Variants in DNM3 observed in about 807,000 individuals in gnomAD.
The protein encoded by DNM3 is dynamin-3.
Under a neutral mutation model 101.6 loss-of-function variants are expected in DNM3, and 47 were observed. The ratio of observed to expected loss-of-function variants is 0.46; its 90% CI spans 0.37 to 0.59. DNM3 has a LOEUF of 0.59. Among genes scored for constraint, DNM3 ranks in the 20% least tolerant of loss-of-function variants. The pLI is 0.00. For synonymous variants in DNM3, 385 were observed against 387.9 expected (o/e 0.99, Z 0.09); for missense variants, 849 against 1,085.7 (o/e 0.78, Z 3.06).
intron 14 of DNM3, among the ~76,000 whole-genome samples, chr1:172,235,698 A>T (rs1184566050): frequency 6.6e-6 from 1 of 152,196 alleles, no homozygotes; most frequent in Admixed American, 6.5e-5. Flanking sequence ...CTTTGTAGGG[A>T]CATGGATGAA....
intron 17 of DNM3, among the ~76,000 whole-genome samples, chr1:172,372,282 T>G (rs1395574235): frequency 6.6e-6 from 1 of 151,994 alleles, no homozygotes; most frequent in African/African-American, 2.4e-5. Context: ...CAGTTTTTCT[T>G]ATAGCTTCTG....
chr1:171,870,759 G>A (rs757247805), intron 1 of DNM3, among the ~76,000 whole-genome samples: 1 of 152,078 alleles, frequency 6.6e-6, no homozygotes, highest in South Asian at 2.1e-4. Context: ...AATAAAATGC[G>A]AAACTGAACA....
rs1572474737 is a variant in DNM3 at position 172,092,802 on chromosome 1, T to C, written c.1494-22T>C. On this transcript the variant is annotated intron_variant, in intron 12 of 20. Transcript: ENST00000627582. The stretch of plus-strand genomic sequence containing the variant: ...AAAATTATATGTGTCTCTTCAGTGC[T>C]GCTTTCCTTTGCTTTTCTCAGTGCT... 7 of 1,548,754 alleles carry C rather than the reference T, an allele frequency of 4.5e-6. No homozygotes were observed. The African/African-American group carries it at 8.2e-5, about 18-fold the overall frequency.
intron 14 of DNM3, among the ~76,000 whole-genome samples, chr1:172,211,497 C>T (rs1271399569): frequency 6.6e-6 from 1 of 152,106 alleles, no homozygotes; most frequent in Non-Finnish European, 1.5e-5. Context: ...GCAGAAATCT[C>T]CTCCACAATG....
chr1:172,153,738 A>G (rs1028633556), intron 14 of DNM3, among the ~76,000 whole-genome samples: 7 of 152,128 alleles, frequency 4.6e-5, no homozygotes, highest in African/African-American at 1.7e-4. Context: ...TTTCAGTCAG[A>G]TGAATTAAAC....
intron 14 of DNM3, among the ~76,000 whole-genome samples, chr1:172,166,119 C>G (rs754220216): frequency 2.0e-5 from 3 of 152,000 alleles, no homozygotes; most frequent in Admixed American, 1.3e-4. Flanking sequence ...GTGTCTGTTT[C>G]CTCCAGGATG....
At chr1:172,201,740 G>T (rs2148487343) in intron 14 of DNM3, among the ~76,000 whole-genome samples, 1 of 152,340 alleles carries the variant, frequency 6.6e-6, no homozygotes, top group Non-Finnish European at 1.5e-5. Context: ...GTTGCCCCTG[G>T]GGGCCTGGTC....
chr1:172,221,810 T>G lies in DNM3; in HGVS notation c.1660-31763T>G, dbSNP rs771922168. 7.2e-4 allele frequency among the ~76,000 whole-genome samples: 110 copies of G among 152,194 alleles called. 2 individuals are homozygous for G. Among genetic ancestry groups the G allele is most frequent in the Non-Finnish European group, 2.2e-4 (15 of 68,020 alleles). ...CCCATTCCTCTTTCTGTGATTTATT[T>G]TTCCCAATAACACTAAATACTTTCT... On this transcript the variant is annotated intron_variant, in intron 14 of 20. Coordinates refer to ENST00000627582, the MANE Select transcript of DNM3 (RefSeq NM_015569.5).
chr1:171,887,925 C>G (rs571378286), intron 1 of DNM3, among the ~76,000 whole-genome samples: 148 of 151,716 alleles, frequency 9.8e-4, no homozygotes, highest in African/African-American at 3.4e-3. Flanking sequence ...TAAAACAATC[C>G]TTATAGGTGA....
At position 172,082,628 on chromosome 1, in the gene DNM3, A is replaced by G. The variant is rs1467710100; in HGVS notation, c.1493+726A>G. On this transcript the variant is annotated intron_variant, in intron 12 of 20. Coordinates refer to ENST00000627582, the MANE Select transcript of DNM3 (RefSeq NM_015569.5). ...AAGTATATAAAATATAGCCTATTTTATGTAAAATGTAAAACAAAAGAGCCT... is the reference window on the plus strand; with the variant it reads ...AAGTATATAAAATATAGCCTATTTTGTGTAAAATGTAAAACAAAAGAGCCT... Among the ~76,000 whole-genome samples the G allele has an allele frequency of 2.6e-5, 4 of 152,046 alleles. No homozygotes were observed. The East Asian group carries it at 7.7e-4, about 29-fold the overall frequency.
At chr1:172,065,696 T>C (rs184206099) in intron 10 of DNM3, among the ~76,000 whole-genome samples, 2 of 152,082 alleles carry the variant, frequency 1.3e-5, no homozygotes, top group Non-Finnish European at 2.9e-5. Context: ...GGGTGAGAAA[T>C]CGAGGACCTC....
intron 14 of DNM3, among the ~76,000 whole-genome samples, chr1:172,133,687 TC>T (rs2057062820): frequency 6.6e-6 from 1 of 151,428 alleles, no homozygotes; most frequent in South Asian, 2.1e-4. Context: ...AGGGGAGGGG[TC>T]TTTAGATTTG....
intron 14 of DNM3, among the ~76,000 whole-genome samples, chr1:172,194,688 C>A (rs2059881384): frequency 1.3e-5 from 2 of 151,242 alleles, no homozygotes; most frequent in Non-Finnish European, 3.0e-5. Flanking sequence ...GCAACCCCTA[C>A]TTTTTTTTTA....
intron 10 of DNM3, among the ~76,000 whole-genome samples, chr1:172,058,392 A>G (rs1323596336): frequency 6.7e-6 from 1 of 150,346 alleles, no homozygotes; most frequent in African/African-American, 2.5e-5. Flanking sequence ...CAGAATATAC[A>G]TTTTTTTCAG....
intron 14 of DNM3, among the ~76,000 whole-genome samples, chr1:172,154,497 G>A (rs1311284921): frequency 6.6e-6 from 1 of 152,086 alleles, no homozygotes. Flanking sequence ...GAGAAATGTG[G>A]AAACCACATG....
Position 171,993,498 on chromosome 1 carries a change from C to CTTTTTT in DNM3, c.589+4361_589+4366dup, listed in dbSNP as rs145178902. 5.9e-3 allele frequency among the ~76,000 whole-genome samples: 759 copies of CTTTTTT among 128,616 alleles called. 15 individuals are homozygous for CTTTTTT. The highest frequency in any genetic ancestry group is 0.021 in the African/African-American group (701 of 33,970). 84.4% of individuals were successfully genotyped at this position (128,616 alleles called of 152,430 possible). Reference sequence around the variant, plus strand: ...CTTCTCTCCTGCTGCTTTCAAGATTCTTTTTTTTTTTTTTTTGTCTTTTGG... The same window carrying CTTTTTT: ...CTTCTCTCCTGCTGCTTTCAAGATTCTTTTTTTTTTTTTTTTTTTTTTGTCTTTTGG... On this transcript the variant is annotated intron_variant, in intron 4 of 20. Transcript: ENST00000627582.
rs541567886 is a variant in DNM3, at chr1:172,240,009, T to G, written c.1660-13564T>G. 2.1e-4 allele frequency among the ~76,000 whole-genome samples: 32 copies of G among 152,016 alleles called. 2 individuals are homozygous for G. The South Asian group carries it at 6.4e-3, about 31-fold the overall frequency. On this transcript the variant is annotated intron_variant, in intron 14 of 20. Transcript: ENST00000627582. Reference sequence around the variant, plus strand: ...ATCATCTTAAATACAGGGCTGAGTCTCAGAAGGCACATGGAAGGGGCCCCC... The same window carrying G: ...ATCATCTTAAATACAGGGCTGAGTCGCAGAAGGCACATGGAAGGGGCCCCC...
rs960373668 is a variant in DNM3, at chr1:171,851,660, C to T, written c.161+9843C>T. 3.3e-5 allele frequency among the ~76,000 whole-genome samples: 5 copies of T among 152,166 alleles called. No individual in the cohort carries two copies. The East Asian group carries it at 7.7e-4, about 23-fold the overall frequency. On this transcript the variant is annotated intron_variant, in intron 1 of 20. Coordinates refer to ENST00000627582, the MANE Select transcript of DNM3 (RefSeq NM_015569.5). The stretch of plus-strand genomic sequence containing the variant: ...AACTCCTGACCTCAGGTGATTTGCC[C>T]GCCTCTGCCTCCCAAAATGCTGGGA...
chr1:172,255,693 C>T lies in DNM3; in HGVS notation c.1769+2011C>T, dbSNP rs141074117. Among the ~76,000 whole-genome samples, 714 of 152,250 alleles carry T rather than the reference C, an allele frequency of 4.7e-3. 3 individuals are homozygous for T. The highest frequency in any genetic ancestry group is 0.016 in the African/African-American group (675 of 41,554). On this transcript the variant is annotated intron_variant, in intron 15 of 20. Coordinates refer to ENST00000627582, the MANE Select transcript of DNM3 (RefSeq NM_015569.5). ...CTCAGTGAGTATATAGATGTACCCA[C>T]ATTGGCCATTGTCTTCTCCTTTGAA...
Sources: allele counts gnomAD v4.1 joint callset (sites outside exome capture counted in the v4.1 genomes callset), GRCh38; gene constraint gnomAD v4.1.1; transcripts MANE v1.5; gene names NCBI Gene and HGNC (gene_info 2026-07-23, HGNC 2026-07-21).